CPQ: variants seen among roughly 807,000 people sequenced by gnomAD.
CPQ encodes carboxypeptidase Q.
In CPQ, 37 loss-of-function variants were observed where a neutral mutation model predicts 45.7. The observed-to-expected ratio is 0.81, with a 90% CI of 0.62 to 1.07. The LOEUF is 1.07. Ranked by LOEUF, CPQ falls within the 50% of genes least tolerant of loss-of-function variation. The pLI, the probability that CPQ is intolerant of heterozygous loss-of-function variation, is 0.00. For missense variants in CPQ, 537 were observed against 572.9 expected (o/e 0.94, Z 0.64); for synonymous variants, 186 against 205.8 (o/e 0.90, Z 0.82).
intron 4 of CPQ, among the ~76,000 whole-genome samples, chr8:96,889,367 A>G (rs1444036950): frequency 6.6e-6 from 1 of 152,102 alleles, no homozygotes; most frequent in East Asian, 1.9e-4. Context: ...GGAGTTGTTG[A>G]AGTTTGGGTA....
intron 1 of CPQ, among the ~76,000 whole-genome samples, chr8:96,758,795 A>G (rs1810359703): frequency 6.6e-6 from 1 of 152,102 alleles, no homozygotes; most frequent in Non-Finnish European, 1.5e-5. Flanking sequence ...AATTCATCTC[A>G]GCTTCCCTCC....
intron 4 of CPQ, among the ~76,000 whole-genome samples, chr8:96,933,317 C>T (rs73279850): frequency 6.6e-6 from 1 of 152,138 alleles, no homozygotes; most frequent in Admixed American, 6.5e-5. Context: ...TTCTCAGCAG[C>T]CCAGGCCCAT....
intron 4 of CPQ, among the ~76,000 whole-genome samples, chr8:96,910,458 G>A (rs566734615): frequency 2.0e-5 from 3 of 152,236 alleles, no homozygotes; most frequent in Admixed American, 6.5e-5. Flanking sequence ...CTTTTAAAAT[G>A]TATATTCCCA....
intron 4 of CPQ, among the ~76,000 whole-genome samples, chr8:96,936,180 C>G (rs1277971684): frequency 1.3e-5 from 2 of 152,070 alleles, no homozygotes; most frequent in Admixed American, 6.6e-5. Flanking sequence ...CAATGGGGTA[C>G]AGTGGGACCA....
At chr8:96,787,498 G>A (rs1810783840) in intron 2 of CPQ, among the ~76,000 whole-genome samples, 1 of 88,586 alleles carries the variant, frequency 1.1e-5, no homozygotes, top group African/African-American at 3.5e-5. Flanking sequence ...AGGGATATTG[G>A]CTTGTAGTTT....
At chr8:97,041,078 A>G (rs188814496) in intron 6 of CPQ, among the ~76,000 whole-genome samples, 35 of 152,322 alleles carry the variant, frequency 2.3e-4, no homozygotes, top group African/African-American at 7.9e-4. Context: ...CTTGGGCAGT[A>G]TGGACATTTT....
chr8:96,887,879 A>G (rs115544754), intron 4 of CPQ, among the ~76,000 whole-genome samples: 226 of 152,170 alleles, frequency 1.5e-3, no homozygotes, highest in African/African-American at 5.1e-3. Flanking sequence ...AGTTATTTTC[A>G]TGCATTCAAA....
At chr8:97,140,640 T>G (rs1286904527) in intron 7 of CPQ, among the ~76,000 whole-genome samples, 2 of 152,002 alleles carry the variant, frequency 1.3e-5, no homozygotes, top group African/African-American at 4.8e-5. Context: ...TTCCCCCCAA[T>G]TTAAAATAGA....
At chr8:96,669,802 T>G (rs1397758703) in intron 1 of CPQ, among the ~76,000 whole-genome samples, 2 of 152,156 alleles carry the variant, frequency 1.3e-5, no homozygotes, top group African/African-American at 4.8e-5. Context: ...GAAAAACATA[T>G]GTAATTGATT....
chr8:97,111,716 G>A (rs1005271576), intron 7 of CPQ, among the ~76,000 whole-genome samples: 2 of 152,212 alleles, frequency 1.3e-5, no homozygotes, highest in African/African-American at 4.8e-5. Flanking sequence ...GAGTAACATG[G>A]CCCTGCCTCA....
intron 7 of CPQ, among the ~76,000 whole-genome samples, chr8:97,121,933 T>C (rs570782555): frequency 9.9e-5 from 15 of 152,114 alleles, no homozygotes; most frequent in African/African-American, 3.6e-4. Context: ...CTCGAAAAGA[T>C]AGTGATAGAA....
At chr8:97,019,569 G>T (rs1809641248) in intron 5 of CPQ, among the ~76,000 whole-genome samples, 1 of 152,164 alleles carries the variant, frequency 6.6e-6, no homozygotes, top group African/African-American at 2.4e-5. Context: ...GTGAGCAGGA[G>T]TAGCTATTCT....
At chr8:97,040,763 T>G (rs1488263305) in intron 6 of CPQ, among the ~76,000 whole-genome samples, 2 of 152,236 alleles carry the variant, frequency 1.3e-5, no homozygotes, top group Non-Finnish European at 2.9e-5. Flanking sequence ...TTGCTTGTTT[T>G]TCTCAGGTTT....
chr8:97,078,707 T>C (rs990335685), intron 7 of CPQ, among the ~76,000 whole-genome samples: 6 of 151,994 alleles, frequency 3.9e-5, no homozygotes, highest in African/African-American at 7.2e-5. Context: ...ACTAGAGATG[T>C]ACAAATTTCT....
rs199658148 is a variant in CPQ at position 96,686,718 on chromosome 8, CT to C, written c.-35+41325del. Among the ~76,000 whole-genome samples the C allele has an allele frequency of 1.9e-3, 287 of 150,426 alleles. 5 individuals carry two copies. The highest frequency in any genetic ancestry group is 0.012 in the Admixed American group (188 of 15,068). On this transcript the variant is annotated intron_variant, in intron 1 of 7. Transcript: ENST00000220763. ...TTATAAATATACATTTGAAGATTTT[CT>C]TTTTTTTTCCTATGCTCTACAACAC...
chr8:96,818,134 G>A (rs1166899110), intron 2 of CPQ, among the ~76,000 whole-genome samples: 3 of 151,914 alleles, frequency 2.0e-5, no homozygotes, highest in Admixed American at 6.6e-5. Context: ...AATTTCAATG[G>A]TGTTGTATCT....
chr8:97,065,888 C>A, intron 6 of CPQ, 121 bp from the exon 7 acceptor site: 1 of 899,472 alleles, frequency 1.1e-6, no homozygotes, highest in Non-Finnish European at 1.7e-6. Context: ...TCAGGCACAG[C>A]AACATGTGTT....
chr8:97,084,471 T>G (rs1811007266), intron 7 of CPQ, among the ~76,000 whole-genome samples: 1 of 152,198 alleles, frequency 6.6e-6, no homozygotes, highest in Admixed American at 6.6e-5. Flanking sequence ...CTAAACAGTT[T>G]AGCACAATTA....
Position 96,905,373 on chromosome 8 carries a change from G to A in CPQ, c.849+25368G>A, listed in dbSNP as rs548146024. 2.6e-5 allele frequency among the ~76,000 whole-genome samples: 4 copies of A among 152,296 alleles called. No individual in the cohort carries two copies. In the South Asian group the frequency reaches 8.3e-4, roughly 32 times the overall value. On this transcript the variant is annotated intron_variant, in intron 4 of 7. Coordinates refer to ENST00000220763, the MANE Select transcript of CPQ (RefSeq NM_016134.4). Reference sequence around the variant, plus strand: ...GAGCCACACCATATCAGACCCATAAGCATGTGGTTACAGATGAAGGCACAG... The same window carrying A: ...GAGCCACACCATATCAGACCCATAAACATGTGGTTACAGATGAAGGCACAG...
Sources: gnomAD v4.1 joint callset for allele counts (sites outside exome capture counted in the v4.1 genomes callset) on GRCh38, gnomAD v4.1.1 for gene constraint, MANE v1.5 for transcripts, NCBI Gene and HGNC (gene_info 2026-07-23, HGNC 2026-07-21) for gene names.